PCNX2: variants seen among roughly 807,000 people sequenced by gnomAD.
The protein encoded by PCNX2 is pecanex-like protein 2.
A neutral mutation model predicts 223.8 loss-of-function variants in PCNX2; 168 were observed. The ratio of observed to expected loss-of-function variants is 0.75; its 90% CI spans 0.66 to 0.85. The LOEUF is 0.85. PCNX2 is among the 40% of genes least tolerant of loss of function. PCNX2 has a pLI of 0.00. For missense variants in PCNX2, 2,507 were observed against 2,675.5 expected (o/e 0.94, Z 1.39); for synonymous variants, 1,006 against 1,052.6 (o/e 0.96, Z 0.86).
At chr1:233,201,601 A>G (rs536524447) in intron 13 of PCNX2, 4 of 152,352 alleles carry the variant, frequency 2.6e-5, no homozygotes, top group East Asian at 3.9e-4. Flanking sequence ...GTGCTATGCT[A>G]TATCTGCCAA....
intron 1 of PCNX2, chr1:233,288,868 A>G (rs184737540): frequency 3.9e-6 from 5 of 1,279,882 alleles, no homozygotes; most frequent in East Asian, 2.3e-5. Flanking sequence ...TTTGTTTACA[A>G]TTGAAACTCT....
chr1:233,007,648 G>C (rs192697237), intron 28 of PCNX2, among the ~76,000 whole-genome samples: 14 of 152,066 alleles, frequency 9.2e-5, no homozygotes, highest in Admixed American at 6.6e-4. Flanking sequence ...AATGATTCTC[G>C]CACCTCAGCC....
intron 21 of PCNX2, among the ~76,000 whole-genome samples, chr1:233,129,777 G>A (rs958243376): frequency 1.3e-5 from 2 of 152,128 alleles, no homozygotes; most frequent in African/African-American, 2.4e-5. Context: ...CCTGTCAAAC[G>A]GACCAATCAG....
chr1:233,186,406 C>A (rs984591720), intron 15 of PCNX2, among the ~76,000 whole-genome samples: 32 of 152,162 alleles, frequency 2.1e-4, no homozygotes, highest in Middle Eastern at 3.4e-3. Flanking sequence ...AGATGTGTCA[C>A]CCAGTCCCTG....
At chr1:233,239,775 T>G (rs535292201) in intron 8 of PCNX2, among the ~76,000 whole-genome samples, 1 of 152,252 alleles carries the variant, frequency 6.6e-6, no homozygotes, top group Non-Finnish European at 1.5e-5. Flanking sequence ...CTTTTTCTTA[T>G]ATTAAATAGC....
chr1:233,094,508 A>G (rs1674048380), intron 22 of PCNX2, among the ~76,000 whole-genome samples: 1 of 152,242 alleles, frequency 6.6e-6, no homozygotes, highest in African/African-American at 2.4e-5. Flanking sequence ...ACATCTAAGA[A>G]TAGCAACATA....
At chr1:233,115,026 C>T (rs776541716) in intron 21 of PCNX2, among the ~76,000 whole-genome samples, 6 of 152,010 alleles carry the variant, frequency 3.9e-5, no homozygotes, top group Admixed American at 6.6e-5. Context: ...GCACAGGAGC[C>T]GATCCCACGT....
chr1:233,317,842 T>C, the PCNX2 span, among the ~76,000 whole-genome samples: 2 of 152,242 alleles, frequency 1.3e-5, no homozygotes, highest in Non-Finnish European at 2.9e-5. Flanking sequence ...GCAGATACTA[T>C]TATTCCACCA....
intron 1 of PCNX2, chr1:233,285,148 T>C (rs1271627286): frequency 3.5e-6 from 1 of 286,490 alleles, no homozygotes; most frequent in Non-Finnish European, 5.2e-6. Flanking sequence ...AGGCCAGGAG[T>C]TTGACACCAG....
chr1:233,011,725 T>C (rs1670475395), intron 28 of PCNX2, among the ~76,000 whole-genome samples: 1 of 152,326 alleles, frequency 6.6e-6, no homozygotes, highest in Non-Finnish European at 1.5e-5. Context: ...TTCATCCACC[T>C]GCCTGGAAAG....
intron 10 of PCNX2, among the ~76,000 whole-genome samples, chr1:233,226,568 C>T (rs1007514002): frequency 6.6e-6 from 1 of 152,178 alleles, no homozygotes; most frequent in Non-Finnish European, 1.5e-5. Context: ...CCATGCCCAG[C>T]CTCCATCATG....
At chr1:233,155,413 G>A (rs1447854577) in intron 19 of PCNX2, among the ~76,000 whole-genome samples, 12 of 152,150 alleles carry the variant, frequency 7.9e-5, no homozygotes, top group East Asian at 1.9e-4. Flanking sequence ...TCATTCCTAC[G>A]TCACTGGTTC....
intron 28 of PCNX2, among the ~76,000 whole-genome samples, chr1:233,011,906 T>G (rs928928234): frequency 1.3e-5 from 2 of 152,190 alleles, no homozygotes; most frequent in Admixed American, 1.3e-4. Flanking sequence ...GCAAATTCAT[T>G]GACCCCAAAG....
At chr1:233,143,161 C>T (rs1267688277) in intron 19 of PCNX2, among the ~76,000 whole-genome samples, 1 of 152,202 alleles carries the variant, frequency 6.6e-6, no homozygotes, top group East Asian at 1.9e-4. Context: ...ATGCTGTCAA[C>T]CTGTACACAC....
At chr1:233,022,826 T>G (rs1670944572) in intron 26 of PCNX2, among the ~76,000 whole-genome samples, 1 of 151,350 alleles carries the variant, frequency 6.6e-6, no homozygotes, top group African/African-American at 2.4e-5. Flanking sequence ...GCCTCCCGAA[T>G]AGCTGGGATT....
the PCNX2 span, among the ~76,000 whole-genome samples, chr1:233,310,365 A>C: frequency 6.6e-6 from 1 of 152,226 alleles, no homozygotes; most frequent in Non-Finnish European, 1.5e-5. Context: ...AAAGGGAAAA[A>C]ATACTAGTGC....
At chr1:233,006,802 G>A (rs1449355794) in intron 28 of PCNX2, among the ~76,000 whole-genome samples, 2 of 152,102 alleles carry the variant, frequency 1.3e-5, no homozygotes, top group African/African-American at 4.8e-5. Context: ...TAAATGGAAC[G>A]CTTGTAGAAC....
At chr1:233,081,907 C>T (rs1378390124) in intron 23 of PCNX2, among the ~76,000 whole-genome samples, 1 of 152,156 alleles carries the variant, frequency 6.6e-6, no homozygotes, top group African/African-American at 2.4e-5. Flanking sequence ...TCCAGACAGG[C>T]CTCTCTGGCC....
At chr1:233,078,834 T>C (rs1673216848) in intron 23 of PCNX2, among the ~76,000 whole-genome samples, 1 of 152,226 alleles carries the variant, frequency 6.6e-6, no homozygotes, top group South Asian at 2.1e-4. Flanking sequence ...AAATTCAACA[T>C]ACTGGACTTC....
Sources: gnomAD v4.1 joint callset for allele counts (sites outside exome capture counted in the v4.1 genomes callset) on GRCh38, gnomAD v4.1.1 for gene constraint, MANE v1.5 for transcripts, NCBI Gene and HGNC (gene_info 2026-07-23, HGNC 2026-07-21) for gene names.